The following DPYD variants were observed in gnomAD, a reference collection of about 807,000 sequenced individuals.
The protein encoded by DPYD is dihydropyrimidine dehydrogenase, also known as dihydropyrimidine dehydrogenase [NADP(+)].
DPYD carries 109 observed loss-of-function variants against 116.2 expected under a neutral mutation model. That is an observed-to-expected ratio of 0.94 (90% confidence interval 0.80 to 1.10). The LOEUF (loss-of-function observed/expected upper bound fraction) is 1.10. Ranked by LOEUF, DPYD falls within the 50% of genes least tolerant of loss-of-function variation. The probability of loss-of-function intolerance (pLI) is 0.00; values close to 1 mark genes in which losing one functional copy is unlikely to be tolerated. For synonymous variants in DPYD, 440 were observed against 432.0 expected (o/e 1.02, Z -0.23); for missense variants, 1,302 against 1,254.5 (o/e 1.04, Z -0.57).
intron 19 of DPYD, among the ~76,000 whole-genome samples, chr1:97,197,940 C>A (rs1658928957): frequency 6.6e-6 from 1 of 152,166 alleles, no homozygotes; most frequent in African/African-American, 2.4e-5. Flanking sequence ...TATACTTAAT[C>A]ATATGGCAAA....
intron 18 of DPYD, among the ~76,000 whole-genome samples, chr1:97,302,350 T>A (rs532817992): frequency 4.8e-4 from 73 of 152,126 alleles, no homozygotes; most frequent in African/African-American, 1.7e-3. Flanking sequence ...TATGAAATCA[T>A]CTGGTATATA....
At chr1:97,668,669 T>C (rs1166540559) in intron 8 of DPYD, among the ~76,000 whole-genome samples, 3 of 152,082 alleles carry the variant, frequency 2.0e-5, no homozygotes, top group Admixed American at 2.0e-4. Flanking sequence ...GAAAAATACC[T>C]GACTGTGATA....
At chr1:97,896,780 T>C (rs953687807) in intron 1 of DPYD, among the ~76,000 whole-genome samples, 2 of 151,920 alleles carry the variant, frequency 1.3e-5, no homozygotes, top group Non-Finnish European at 2.9e-5. Flanking sequence ...GTTTTGGACA[T>C]GTCATATAAA....
chr1:97,448,593 T>G (rs1676219400), intron 14 of DPYD, among the ~76,000 whole-genome samples: 1 of 151,678 alleles, frequency 6.6e-6, no homozygotes, highest in Non-Finnish European at 1.5e-5. Flanking sequence ...TTTACAAACA[T>G]ATTATTTCTT....
chr1:97,491,322 G>A (rs1412681278), intron 13 of DPYD, among the ~76,000 whole-genome samples: 3 of 151,180 alleles, frequency 2.0e-5, no homozygotes, highest in Non-Finnish European at 4.4e-5. Context: ...TTCCTTCATG[G>A]TGCCTGGGAT....
At chr1:97,665,687 T>C (rs1290093444) in intron 8 of DPYD, among the ~76,000 whole-genome samples, 3 of 152,226 alleles carry the variant, frequency 2.0e-5, no homozygotes, top group Non-Finnish European at 2.9e-5. Context: ...AGTCTATCTT[T>C]AATTAATTTA....
At chr1:97,526,312 T>C (rs1209285384) in intron 12 of DPYD, among the ~76,000 whole-genome samples, 7 of 152,142 alleles carry the variant, frequency 4.6e-5, no homozygotes, top group Non-Finnish European at 8.8e-5. Flanking sequence ...ACAGCTACTT[T>C]ATTCTTCTCC....
At chr1:97,543,638 A>AT (rs1287852065) in intron 12 of DPYD, among the ~76,000 whole-genome samples, 1 of 152,120 alleles carries the variant, frequency 6.6e-6, no homozygotes, top group South Asian at 2.1e-4. Context: ...CATTACAGAA[A>AT]TTTTTTTAAC....
intron 12 of DPYD, among the ~76,000 whole-genome samples, chr1:97,539,231 G>C (rs1650242498): frequency 6.6e-6 from 1 of 151,944 alleles, no homozygotes; most frequent in Non-Finnish European, 1.5e-5. Flanking sequence ...AGTGACTCCT[G>C]AAGTCACTTA....
At chr1:97,732,174 C>T (rs1663656462) in intron 4 of DPYD, among the ~76,000 whole-genome samples, 1 of 152,074 alleles carries the variant, frequency 6.6e-6, no homozygotes, top group African/African-American at 2.4e-5. Context: ...GTGACTATTA[C>T]ACATTGTATC....
chr1:97,493,302 A>G (rs569877579), intron 13 of DPYD, among the ~76,000 whole-genome samples: 18 of 152,228 alleles, frequency 1.2e-4, no homozygotes, highest in Non-Finnish European at 2.6e-4. Context: ...ATCCCCTCGT[A>G]CTAACGGTTT....
intron 1 of DPYD, among the ~76,000 whole-genome samples, chr1:97,885,468 A>G (rs1672436015): frequency 6.6e-6 from 1 of 152,100 alleles, no homozygotes; most frequent in African/African-American, 2.4e-5. Context: ...GAATTTAAAA[A>G]TCATAAATGA....
rs533243408 is a variant in DPYD at position 97,916,223 on chromosome 1, T to A, written c.39+4661A>T. ...ATTATACTTTAAGTTTTAGGGTACA[T>A]GTGTACAACGTGCAGGTTAGTTACA... is the stretch of plus-strand genomic sequence containing the variant. On this transcript the variant is annotated intron_variant, in intron 1 of 22. Coordinates refer to ENST00000370192, the MANE Select transcript of DPYD (RefSeq NM_000110.4). 8.6e-4 allele frequency among the ~76,000 whole-genome samples: 131 copies of A among 152,328 alleles called. No individual in the cohort carries two copies. The Middle Eastern group carries it at 0.027, about 32-fold the overall frequency.
intron 18 of DPYD, among the ~76,000 whole-genome samples, chr1:97,300,304 G>A (rs1444647871): frequency 6.6e-6 from 1 of 151,908 alleles, no homozygotes; most frequent in African/African-American, 2.4e-5. Context: ...TTATCTATCA[G>A]GTTATTTTAG....
chr1:97,508,330 G>C (rs942856415), intron 13 of DPYD, among the ~76,000 whole-genome samples: 2 of 151,918 alleles, frequency 1.3e-5, no homozygotes, highest in African/African-American at 4.8e-5. Flanking sequence ...GAGCATTCCA[G>C]GCAGATCAAA....
intron 13 of DPYD, among the ~76,000 whole-genome samples, chr1:97,515,491 T>C (rs1202157329): frequency 6.6e-6 from 1 of 151,972 alleles, no homozygotes; most frequent in Non-Finnish European, 1.5e-5. Context: ...GTCACTTTCA[T>C]AATATTTATA....
intron 13 of DPYD, among the ~76,000 whole-genome samples, chr1:97,464,363 A>T (rs1291852065): frequency 6.6e-6 from 1 of 152,256 alleles, no homozygotes; most frequent in East Asian, 1.9e-4. Flanking sequence ...AGCTGACTGC[A>T]GAAATTTGCA....
At chr1:97,122,845 G>T (rs1031367512) in intron 20 of DPYD, among the ~76,000 whole-genome samples, 1 of 151,844 alleles carries the variant, frequency 6.6e-6, no homozygotes, top group African/African-American at 2.4e-5. Flanking sequence ...CAATAAAACT[G>T]TATGTGGACC....
At chr1:97,579,961 C>T (rs1418976498) in intron 10 of DPYD, among the ~76,000 whole-genome samples, 1 of 152,096 alleles carries the variant, frequency 6.6e-6, no homozygotes, top group African/African-American at 2.4e-5. Flanking sequence ...AAATAGCATG[C>T]TATAAACTTG....
Sources: allele counts gnomAD v4.1 joint callset (sites outside exome capture counted in the v4.1 genomes callset), GRCh38; gene constraint gnomAD v4.1.1; transcripts MANE v1.5; gene names NCBI Gene and HGNC (gene_info 2026-07-23, HGNC 2026-07-21).